Variants in FRMPD4 observed in about 807,000 individuals in gnomAD.
FRMPD4 encodes the protein FERM and PDZ domain-containing protein 4.
A neutral mutation model predicts 94.1 loss-of-function variants in FRMPD4; 22 were observed. That is an observed-to-expected ratio of 0.23 (90% CI 0.17 to 0.33). The LOEUF (loss-of-function observed/expected upper bound fraction) is 0.33, where lower values mean the gene tolerates loss of function less well. Among genes scored for constraint, FRMPD4 ranks in the 10% least tolerant of loss-of-function variants. The pLI is 1.00. For missense variants in FRMPD4, 1,111 were observed against 1,339.9 expected (o/e 0.83, Z 2.67); for synonymous variants, 631 against 548.6 (o/e 1.15, Z -2.10).
At chrX:12,446,667 CTT>C (rs757740782) in intron 1 of FRMPD4, among the ~76,000 whole-genome samples, 27 of 111,846 alleles carry the variant, frequency 2.4e-4, no homozygotes, top group African/African-American at 5.5e-4. Context: ...TATTTTCTCT[CTT>C]GTCTGCCACC....
At chrX:12,575,457 T>C (rs1197561742) in intron 2 of FRMPD4, among the ~76,000 whole-genome samples, 1 of 111,299 alleles carries the variant, frequency 9.0e-6, no homozygotes, top group African/African-American at 3.3e-5. Context: ...CCTTTTAGCA[T>C]TGAATTCAGT....
intron 8 of FRMPD4, among the ~76,000 whole-genome samples, chrX:12,691,590 C>T (rs1375156699): frequency 9.0e-6 from 1 of 111,711 alleles, no homozygotes; most frequent in Non-Finnish European, 1.9e-5. Context: ...CAGAATCTCT[C>T]ATGTGAAAGG....
intron 1 of FRMPD4, among the ~76,000 whole-genome samples, chrX:12,308,257 C>T (rs2054974988): frequency 8.9e-6 from 1 of 112,140 alleles, no homozygotes; most frequent in African/African-American, 3.2e-5. Flanking sequence ...AATACATTCT[C>T]ACCAAGGTCA....
At chrX:12,359,073 T>A (rs1250897232) in intron 1 of FRMPD4, among the ~76,000 whole-genome samples, 1 of 111,863 alleles carries the variant, frequency 8.9e-6, no homozygotes, top group Non-Finnish European at 1.9e-5. Flanking sequence ...GAATGCAATA[T>A]CTCTTTCCAT....
At chrX:12,334,522 G>A (rs780620109) in intron 1 of FRMPD4, among the ~76,000 whole-genome samples, 6 of 110,125 alleles carry the variant, frequency 5.4e-5, no homozygotes, top group African/African-American at 2.0e-4. Context: ...GGGAGATAAG[G>A]CAAGTTTCTG....
At chrX:11,988,550 C>A (rs982971143) in intron 3 of FRMPD4, among the ~76,000 whole-genome samples, 1 of 111,329 alleles carries the variant, frequency 9.0e-6, no homozygotes, top group African/African-American at 3.3e-5. Flanking sequence ...TAAGTAATTC[C>A]TGGGTGATAC....
chrX:11,845,277 CAT>C (rs2053567799), intron 1 of FRMPD4, among the ~76,000 whole-genome samples: 1 of 111,812 alleles, frequency 8.9e-6, no homozygotes, highest in Admixed American at 9.5e-5. Context: ...AAGAAATAAA[CAT>C]GTGACAGAAA....
At chrX:12,558,481 A>G (rs781314436) in intron 2 of FRMPD4, among the ~76,000 whole-genome samples, 3 of 113,089 alleles carry the variant, frequency 2.7e-5, no homozygotes, top group Non-Finnish European at 5.6e-5. Flanking sequence ...TAAGGTTACA[A>G]TGAAAACCAG....
At chrX:11,873,233 C>T (rs930813208) in intron 2 of FRMPD4, among the ~76,000 whole-genome samples, 4 of 110,032 alleles carry the variant, frequency 3.6e-5, no homozygotes, top group African/African-American at 1.3e-4. Flanking sequence ...TATTGGAGGT[C>T]CTAACAAGTG....
intron 1 of FRMPD4, among the ~76,000 whole-genome samples, chrX:11,862,602 G>C (rs2084766493): frequency 9.0e-6 from 1 of 110,827 alleles, no homozygotes; most frequent in African/African-American, 3.3e-5. Context: ...CACCATAAAG[G>C]TTGCTCCCTA....
At chrX:11,904,221 C>G (rs934390289) in intron 3 of FRMPD4, among the ~76,000 whole-genome samples, 1 of 111,960 alleles carries the variant, frequency 8.9e-6, no homozygotes, top group Admixed American at 9.5e-5. Flanking sequence ...TGGTCATCAT[C>G]GGGTTTAAAG....
At chrX:12,546,840 C>A (rs1469500156) in intron 2 of FRMPD4, among the ~76,000 whole-genome samples, 1 of 107,988 alleles carries the variant, frequency 9.3e-6, no homozygotes, top group Non-Finnish European at 1.9e-5. Flanking sequence ...TGGCACTGAC[C>A]GTGTCCTCCT....
At chrX:12,322,394 A>G (rs757236606) in intron 1 of FRMPD4, among the ~76,000 whole-genome samples, 1 of 111,257 alleles carries the variant, frequency 9.0e-6, no homozygotes, top group Non-Finnish European at 1.9e-5. Flanking sequence ...CTGACCCCAG[A>G]GTGGATATAT....
chrX:12,335,947 C>G (rs1193173255), intron 1 of FRMPD4, among the ~76,000 whole-genome samples: 4 of 112,411 alleles, frequency 3.6e-5, no homozygotes, highest in African/African-American at 1.3e-4. Flanking sequence ...TTGACTGCAC[C>G]TTTTCAAAGG....
At chrX:12,542,315 T>G (rs766775728) in intron 2 of FRMPD4, among the ~76,000 whole-genome samples, 10 of 112,019 alleles carry the variant, frequency 8.9e-5, no homozygotes, top group Non-Finnish European at 1.9e-4. Context: ...GTTTGCAGAT[T>G]ACATGATTGT....
chrX:12,361,034 A>G (rs781603037), intron 1 of FRMPD4, among the ~76,000 whole-genome samples: 1 of 110,334 alleles, frequency 9.1e-6, no homozygotes, highest in East Asian at 2.8e-4. Context: ...GAAAATGATC[A>G]CAGAAGTCAC....
intron 4 of FRMPD4, among the ~76,000 whole-genome samples, chrX:12,615,715 C>T (rs2059229448): frequency 9.0e-6 from 1 of 111,481 alleles, no homozygotes; most frequent in Admixed American, 9.5e-5. Context: ...TATCAGAACA[C>T]TTTTCACTGA....
chrX:12,181,512 G>C (rs1482448396), intron 1 of FRMPD4, among the ~76,000 whole-genome samples: 2 of 111,713 alleles, frequency 1.8e-5, no homozygotes, highest in Admixed American at 1.9e-4. Flanking sequence ...GTTGCATGTA[G>C]AGAAATCCCA....
intron 1 of FRMPD4, among the ~76,000 whole-genome samples, chrX:12,281,228 A>C (rs757966900): frequency 2.1e-3 from 235 of 111,835 alleles, no homozygotes; most frequent in Non-Finnish European, 2.0e-3. Context: ...AATTAGGGTG[A>C]AATACCACCT....
Sources: allele counts gnomAD v4.1 joint callset (sites outside exome capture counted in the v4.1 genomes callset), GRCh38; gene constraint gnomAD v4.1.1; transcripts MANE v1.5; gene names NCBI Gene and HGNC (gene_info 2026-07-23, HGNC 2026-07-21).